DIAPH1: variants seen among roughly 807,000 people sequenced by gnomAD.
DIAPH1 encodes the protein protein diaphanous homolog 1.
In DIAPH1, 46 loss-of-function variants were observed where a neutral mutation model predicts 140.7. The ratio of observed to expected loss-of-function variants is 0.33; its 90% CI spans 0.26 to 0.42. DIAPH1 has a LOEUF of 0.42. Among genes scored for constraint, DIAPH1 ranks in the 10% least tolerant of loss-of-function variants. DIAPH1 has a pLI of 1.00. For synonymous variants in DIAPH1, 565 were observed against 551.6 expected (o/e 1.02, Z -0.34); for missense variants, 1,310 against 1,558.7 (o/e 0.84, Z 2.69).
intron 18 of DIAPH1, among the ~76,000 whole-genome samples, chr5:141,540,386 G>C (rs781275594): frequency 2.6e-5 from 4 of 151,846 alleles, no homozygotes; most frequent in African/African-American, 9.7e-5. Flanking sequence ...GGGTTCAAGC[G>C]ATTCTTCTGT....
At chr5:141,588,283 A>G in intron 1 of DIAPH1, 33 bp from the exon 2 acceptor site, 1 of 1,584,030 alleles carries the variant, frequency 6.3e-7, no homozygotes, top group Non-Finnish European at 8.7e-7. Context: ...GAGAAGAAAG[A>G]AGAGAAATCA....
At chr5:141,585,640 A>G (rs1443487103) in intron 3 of DIAPH1, among the ~76,000 whole-genome samples, 3 of 152,134 alleles carry the variant, frequency 2.0e-5, no homozygotes, top group Non-Finnish European at 4.4e-5. Flanking sequence ...TCTCTACTCA[A>G]GCTACAAAAA....
At chr5:141,609,168 CAAA>C (rs11405338) in intron 1 of DIAPH1, among the ~76,000 whole-genome samples, 5 of 84,366 alleles carry the variant, frequency 5.9e-5, no homozygotes, top group African/African-American at 1.8e-4. Context: ...TTACTAAATG[CAAA>C]AAAAAAAAAA....
chr5:141,523,065 C>T (rs2099886802), intron 27 of DIAPH1, among the ~76,000 whole-genome samples: 5 of 152,214 alleles, frequency 3.3e-5, no homozygotes, highest in Admixed American at 3.3e-4. Context: ...CCTTTCCAGG[C>T]TGTGGCAGGT....
chr5:141,524,308 A>G, intron 26 of DIAPH1, 79 bp from the exon 27 acceptor site: 1 of 1,337,872 alleles, frequency 7.5e-7, no homozygotes, highest in South Asian at 1.2e-5. Flanking sequence ...CACAAAATGA[A>G]TGGCTATTGC....
In DIAPH1 at chr5:141,524,960, G is replaced by A. The variant is rs554678494; in HGVS notation, c.3575-731C>T. On this transcript the variant is annotated intron_variant, in intron 26 of 27. Transcript: ENST00000389054. Reference sequence around the variant, plus strand: ...TTCCACCCTCATTTGCTTGACCCGGGTACTGGAAACTGGGCAAGGTCCATT... The same window carrying A: ...TTCCACCCTCATTTGCTTGACCCGGATACTGGAAACTGGGCAAGGTCCATT... 3.1e-4 allele frequency among the ~76,000 whole-genome samples: 47 copies of A among 152,176 alleles called. 1 individual carries two copies. The highest frequency in any genetic ancestry group is 1.1e-3 in the African/African-American group (46 of 41,532).
At chr5:141,591,996 C>T (rs2099898555) in intron 1 of DIAPH1, among the ~76,000 whole-genome samples, 1 of 149,604 alleles carries the variant, frequency 6.7e-6, no homozygotes. Context: ...GCAGGAGAAT[C>T]ACTTGAACCC....
intron 18 of DIAPH1, among the ~76,000 whole-genome samples, chr5:141,558,949 A>G (rs79935113): frequency 0.026 from 3,916 of 151,826 alleles, 63 homozygotes; most frequent in East Asian, 0.031. Context: ...TGGCATCACT[A>G]TAGTTTTCTC....
intron 1 of DIAPH1, among the ~76,000 whole-genome samples, chr5:141,596,605 A>T (rs2099899365): frequency 6.6e-6 from 1 of 152,216 alleles, no homozygotes. Context: ...AATAATTTTT[A>T]TATTTCATTC....
At chr5:141,588,299 G>A (rs759938219) in intron 1 of DIAPH1, 49 bp from the exon 2 acceptor site, 10 of 1,479,454 alleles carry the variant, frequency 6.8e-6, no homozygotes, top group South Asian at 1.1e-5. Flanking sequence ...AATCAGTGAA[G>A]TACAAGGAAA....
chr5:141,531,255 T>TC (rs2099888183), intron 19 of DIAPH1, among the ~76,000 whole-genome samples: 1 of 151,942 alleles, frequency 6.6e-6, no homozygotes, highest in Admixed American at 6.6e-5. Context: ...CAAAGCACCT[T>TC]CTCCTTTATC....
At chr5:141,522,888 G>A (rs1183046133) in intron 27 of DIAPH1, among the ~76,000 whole-genome samples, 1 of 152,156 alleles carries the variant, frequency 6.6e-6, no homozygotes, top group Non-Finnish European at 1.5e-5. Context: ...TTCAGTTTGG[G>A]GAACATTCTG....
At chr5:141,571,613 A>C (rs1596376441) in intron 17 of DIAPH1, among the ~76,000 whole-genome samples, 177 bp from the exon 18 acceptor site, 1 of 152,360 alleles carries the variant, frequency 6.6e-6, no homozygotes, top group East Asian at 1.9e-4. Flanking sequence ...CTGCACCTTA[A>C]GGCAGTGCCA....
chr5:141,577,906 T>A, intron 11 of DIAPH1: 1 of 506,742 alleles, frequency 2.0e-6, no homozygotes, highest in Non-Finnish European at 3.6e-6. Flanking sequence ...ACTAAATTAC[T>A]CCCTCTGTCA....
intron 1 of DIAPH1, among the ~76,000 whole-genome samples, chr5:141,597,349 T>C (rs1048769309): frequency 6.6e-6 from 1 of 152,182 alleles, no homozygotes; most frequent in African/African-American, 2.4e-5. Flanking sequence ...TGGGTGGCAA[T>C]GGAACAAGGC....
chr5:141,550,400 C>T (rs990174074), intron 18 of DIAPH1: 4 of 154,366 alleles, frequency 2.6e-5, no homozygotes, highest in Non-Finnish European at 4.4e-5. Context: ...TCTCTCATGT[C>T]CTATATCTGT....
intron 18 of DIAPH1, among the ~76,000 whole-genome samples, chr5:141,534,955 T>C (rs1201944318): frequency 6.6e-6 from 1 of 152,116 alleles, no homozygotes; most frequent in Non-Finnish European, 1.5e-5. Context: ...CCATCTTTTT[T>C]GTTTGTTTTT....
At chr5:141,531,266 C>T (rs1262085299) in intron 19 of DIAPH1, among the ~76,000 whole-genome samples, 2 of 152,050 alleles carry the variant, frequency 1.3e-5, no homozygotes, top group Non-Finnish European at 2.9e-5. Flanking sequence ...CTCCTTTATC[C>T]CAAGTCAATC....
chr5:141,585,971 C>T (rs890211087), intron 3 of DIAPH1, among the ~76,000 whole-genome samples: 1 of 152,148 alleles, frequency 6.6e-6, no homozygotes, highest in Non-Finnish European at 1.5e-5. Context: ...GGATTGCTGA[C>T]TTCTTTTGAA....
Sources: allele counts gnomAD v4.1 joint callset (sites outside exome capture counted in the v4.1 genomes callset), GRCh38; gene constraint gnomAD v4.1.1; transcripts MANE v1.5; gene names NCBI Gene and HGNC (gene_info 2026-07-23, HGNC 2026-07-21).